Variants in ITPR3 observed in about 807,000 individuals in gnomAD.
The protein encoded by ITPR3 is inositol 1,4,5-trisphosphate receptor type 3.
In ITPR3, 173 loss-of-function variants were observed where a neutral mutation model predicts 293.2. That is an observed-to-expected ratio of 0.59 (90% CI 0.52 to 0.67). The LOEUF (loss-of-function observed/expected upper bound fraction) is 0.67, where lower values mean the gene tolerates loss of function less well. ITPR3 is among the 30% of genes least tolerant of loss of function. The pLI, the probability that ITPR3 is intolerant of heterozygous loss-of-function variation, is 0.00. For missense variants in ITPR3, 2,796 were observed against 3,592.1 expected (o/e 0.78, Z 5.66); for synonymous variants, 1,295 against 1,444.4 (o/e 0.90, Z 2.35).
In ITPR3 at chr6:33,683,146, C is replaced by A; in HGVS notation, c.4598-61C>A. ...CCTGGTGTGGCAGCCCTGAGCCTGGCCTCTGGCTGGCTGAACTGCCCCCGC... is the reference window on the plus strand; with the variant it reads ...CCTGGTGTGGCAGCCCTGAGCCTGGACTCTGGCTGGCTGAACTGCCCCCGC... On this transcript the variant is annotated intron_variant, in intron 34 of 57. Coordinates refer to ENST00000605930, the MANE Select transcript of ITPR3 (RefSeq NM_002224.4). This position sits in a 1 kb window ranked among gnomAD's most constrained non-coding sequence, Gnocchi z 4.5. The A allele has an allele frequency of 2.3e-6, 3 of 1,309,720 alleles. No homozygotes were observed. The allele number at this position is 1,309,720 out of a possible 1,614,324, so 81.1% of individuals were successfully genotyped here. A position where few individuals can be genotyped will look rare whatever the true frequency, so the allele number is the denominator to read the frequency against.
chr6:33,687,113 G>A lies in ITPR3; in HGVS notation c.6075+9G>A. The A allele has an allele frequency of 6.2e-7, 1 of 1,612,208 alleles. No individual in the cohort carries two copies. The highest frequency in any genetic ancestry group is 8.5e-7 in the Non-Finnish European group (1 of 1,178,720). ...TGCGGCCCCAGGAGCTGGTGAGGCTGGGCAGGTGGGCAGGCGGGCGGAACC... is the reference window on the plus strand; with the variant it reads ...TGCGGCCCCAGGAGCTGGTGAGGCTAGGCAGGTGGGCAGGCGGGCGGAACC... On this transcript the variant is annotated intron_variant, in intron 44 of 57. Transcript: ENST00000605930. This position sits in a 1 kb window ranked among gnomAD's most constrained non-coding sequence, Gnocchi z 5.3.
Position 33,664,804 on chromosome 6 carries a change from C to A in ITPR3, c.1149-66C>A. 7.1e-7 allele frequency: 1 copy of A among 1,407,744 alleles called. No individual in the cohort carries two copies. 87.2% of individuals were successfully genotyped at this position (1,407,744 alleles called of 1,614,324 possible). Reference sequence around the variant, plus strand: ...GCTGTGGCAGTGTTGGGGAGGTAGGCCGGCAGGCAGCATGACGTGCTCTGT... The same window carrying A: ...GCTGTGGCAGTGTTGGGGAGGTAGGACGGCAGGCAGCATGACGTGCTCTGT... On this transcript the variant is annotated intron_variant, in intron 11 of 57. Coordinates refer to ENST00000605930, the MANE Select transcript of ITPR3 (RefSeq NM_002224.4). The surrounding 1 kb of genome is among the most constrained non-coding windows in gnomAD (Gnocchi z 4.4).
intron 6 of ITPR3, 69 bp downstream of exon 6, chr6:33,659,188 G>T: frequency 1.4e-6 from 2 of 1,404,050 alleles, no homozygotes; most frequent in South Asian, 2.3e-5. Context: ...TAGACACCCC[G>T]CTCCCTGCCA....
chr6:33,666,623 A>C lies in ITPR3; in HGVS notation c.1552-506A>C, dbSNP rs987287615. 2.0e-5 allele frequency among the ~76,000 whole-genome samples: 3 copies of C among 151,666 alleles called. No homozygotes were observed. Among genetic ancestry groups the C allele is most frequent in the Non-Finnish European group, 4.4e-5 (3 of 67,934 alleles). On this transcript the variant is annotated intron_variant, in intron 14 of 57. Coordinates refer to ENST00000605930, the MANE Select transcript of ITPR3 (RefSeq NM_002224.4). The surrounding 1 kb of genome is among the most constrained non-coding windows in gnomAD (Gnocchi z 5.1). ...AAAGTTTGTTTTTTTTTTTTTAGAA[A>C]CGAGGATCCAATTAAGGTTTTTTCA...
Position 33,683,978 on chromosome 6 carries a change from C to A in ITPR3, c.4789-42C>A. The A allele has an allele frequency of 6.4e-7, 1 of 1,555,962 alleles. No individual in the cohort carries two copies. Among genetic ancestry groups the A allele is most frequent in the South Asian group, 1.2e-5 (1 of 84,448 alleles). ...GGAGGAATGGCAGTCACACCCGGGT[C>A]ATTTCTTGGGCCTGGCAATGACTCT... On this transcript the variant is annotated intron_variant, in intron 35 of 57. Transcript: ENST00000605930. The surrounding 1 kb of genome is among the most constrained non-coding windows in gnomAD (Gnocchi z 4.5).
chr6:33,683,352 C>T lies in ITPR3; in HGVS notation c.4743C>T (p.Pro1581=), dbSNP rs942636. 284,214 of 1,593,846 alleles carry T rather than the reference C, an allele frequency of 0.18. 26,778 individuals carry two copies. Among genetic ancestry groups the T allele is most frequent in the Admixed American group, 0.31 (17,652 of 56,974 alleles). The stretch of plus-strand genomic sequence containing the variant: ...CGCGGGCCTTCCCCCGCGTCACCCC[C>T]ACCGCCAACCAGTGGGACTACAAGA... The part of the protein sequence containing the change: ...ATTRAFPRVT[P]TANQWDYKNI... The change falls in exon 35 of 58, where the codon CCC becomes CCT. Residue 1581 remains proline, a synonymous_variant. Transcript: ENST00000605930. This position sits in a 1 kb window ranked among gnomAD's most constrained non-coding sequence, Gnocchi z 4.5.
intron 1 of ITPR3, among the ~76,000 whole-genome samples, chr6:33,622,647 C>T: frequency 6.6e-6 from 1 of 152,206 alleles, no homozygotes; most frequent in East Asian, 1.9e-4. Context: ...ACCCACCCTC[C>T]TCTGCTGATC....
At chr6:33,634,946 C>T (rs1413531896) in intron 1 of ITPR3, among the ~76,000 whole-genome samples, 2 of 152,088 alleles carry the variant, frequency 1.3e-5, no homozygotes, top group Non-Finnish European at 2.9e-5. Context: ...CGCTACAAGG[C>T]CCTGTGTACC....
chr6:33,628,317 A>G (rs554940221), intron 1 of ITPR3, among the ~76,000 whole-genome samples: 2 of 152,286 alleles, frequency 1.3e-5, no homozygotes, highest in Non-Finnish European at 2.9e-5. Context: ...GGAAGGAGGA[A>G]AGCAGAACGC....
rs1393367922 is a variant in ITPR3, at chr6:33,696,288, GC to G, written c.*509del. 1.2e-5 allele frequency: 2 copies of G among 164,462 alleles called. No homozygotes were observed. Among genetic ancestry groups the G allele is most frequent in the Non-Finnish European group, 2.7e-5 (2 of 74,106 alleles). The allele number at this position is 164,462 out of a possible 1,614,324, so 10.2% of individuals were successfully genotyped here. On this transcript the variant is annotated 3_prime_UTR_variant, in exon 58 of 58. Transcript: ENST00000605930. ...GCAGCTCCCTCCGTGCCTCAGATCT[GC>G]TGTAGCCAGTGCAGACCTCACTGTC...
chr6:33,657,412 C>T (rs1286490286), intron 3 of ITPR3, among the ~76,000 whole-genome samples: 1 of 152,190 alleles, frequency 6.6e-6, no homozygotes, highest in Non-Finnish European at 1.5e-5. Context: ...GGGAGGGCTG[C>T]CTGGAGGCAG....
In ITPR3 at chr6:33,621,775, C is replaced by G. The variant is rs1396800115; in HGVS notation, c.89+84C>G. 9.7e-7 allele frequency: 1 copy of G among 1,027,070 alleles called. No individual in the cohort carries two copies. The highest frequency in any genetic ancestry group is 1.5e-6 in the Non-Finnish European group (1 of 678,944). 63.6% of individuals were successfully genotyped at this position (1,027,070 alleles called of 1,614,324 possible). ...GCCAGCTGCGTGCGTCCAGCCGCCG[C>G]CCCCCGATAGAGGCCTGGACGTCCC... On this transcript the variant is annotated intron_variant, in intron 1 of 57. Transcript: ENST00000605930. The surrounding 1 kb of genome is among the most constrained non-coding windows in gnomAD (Gnocchi z 7.7).
chr6:33,687,999 G>C lies in ITPR3; in HGVS notation c.6265-58G>C. ...GCGAAGGCCTGGGAGGGTGGGGGCTGAGTGCCAGCCTGGATGTGGAGGCTG... is the reference window on the plus strand; with the variant it reads ...GCGAAGGCCTGGGAGGGTGGGGGCTCAGTGCCAGCCTGGATGTGGAGGCTG... On this transcript the variant is annotated intron_variant, in intron 46 of 57. Coordinates refer to ENST00000605930, the MANE Select transcript of ITPR3 (RefSeq NM_002224.4). This position sits in a 1 kb window ranked among gnomAD's most constrained non-coding sequence, Gnocchi z 5.3. 7.2e-7 allele frequency: 1 copy of C among 1,381,202 alleles called. No individual in the cohort carries two copies. The highest frequency in any genetic ancestry group is 1.0e-6 in the Non-Finnish European group (1 of 986,318). The allele number at this position is 1,381,202 out of a possible 1,614,324, so 85.6% of individuals were successfully genotyped here. A position where few individuals can be genotyped will look rare whatever the true frequency, so the allele number is the denominator to read the frequency against.
rs765081074 is a variant in ITPR3, at chr6:33,687,430, TG to T, written c.6178-47del. On this transcript the variant is annotated intron_variant, in intron 45 of 57. Transcript: ENST00000605930. The surrounding 1 kb of genome is among the most constrained non-coding windows in gnomAD (Gnocchi z 5.3). ...CGCCATTGTCGCCCCCCAGCCACCA[TG>T]TCCCCCAGCCACCACACCCTGGTGA... 6.5e-7 allele frequency: 1 copy of T among 1,548,152 alleles called. No individual in the cohort carries two copies. Among genetic ancestry groups the T allele is most frequent in the South Asian group, 1.2e-5 (1 of 86,514 alleles).
Position 33,658,340 on chromosome 6 carries a change from G to A in ITPR3, c.369+322G>A, listed in dbSNP as rs1291935253. Among the ~76,000 whole-genome samples the A allele has an allele frequency of 2.0e-5, 3 of 151,856 alleles. No individual in the cohort carries two copies. Among genetic ancestry groups the A allele is most frequent in the South Asian group, 2.1e-4 (1 of 4,816 alleles). On this transcript the variant is annotated intron_variant, in intron 4 of 57. Coordinates refer to ENST00000605930, the MANE Select transcript of ITPR3 (RefSeq NM_002224.4). This position sits in a 1 kb window ranked among gnomAD's most constrained non-coding sequence, Gnocchi z 6.1. ...GGCAAGTTACCTAACGTCCCCTGGC[G>A]CCTTGGTTTCCCCATCTGTGAAATC... is the stretch of plus-strand genomic sequence containing the variant.
chr6:33,693,837 G>A, intron 56 of ITPR3, 132 bp downstream of exon 56: 1 of 1,088,012 alleles, frequency 9.2e-7, no homozygotes, highest in Non-Finnish European at 1.3e-6. Flanking sequence ...CTATCTGACT[G>A]TTGGCCCTAG....
Position 33,667,421 on chromosome 6 carries a change from GC to G in ITPR3, c.1713+133del. The G allele has an allele frequency of 8.1e-7, 1 of 1,238,274 alleles. No homozygotes were observed. Among genetic ancestry groups the G allele is most frequent in the Non-Finnish European group, 1.1e-6 (1 of 912,242 alleles). The allele number at this position is 1,238,274 out of a possible 1,614,324, so 76.7% of individuals were successfully genotyped here. A position where few individuals can be genotyped will look rare whatever the true frequency, so the allele number is the denominator to read the frequency against. On this transcript the variant is annotated intron_variant, in intron 15 of 57. Coordinates refer to ENST00000605930, the MANE Select transcript of ITPR3 (RefSeq NM_002224.4). The surrounding 1 kb of genome is among the most constrained non-coding windows in gnomAD (Gnocchi z 4.4). ...GTCCAGTAGGGCACCAGACAGCAGGGCCGGGTTCATGGGAATGGGACCTGGC... is the reference window on the plus strand; with the variant it reads ...GTCCAGTAGGGCACCAGACAGCAGGGCGGGTTCATGGGAATGGGACCTGGC...
intron 18 of ITPR3, among the ~76,000 whole-genome samples, chr6:33,669,978 A>C (rs1259158170): frequency 4.2e-4 from 53 of 126,724 alleles, no homozygotes; most frequent in African/African-American, 7.0e-4. Flanking sequence ...CCACCTCCCC[A>C]CCTCCCCCTC....
rs1203260919 is a variant in ITPR3 at position 33,685,418 on chromosome 6, G to A, written c.5367G>A (p.Leu1789=). 6.2e-7 allele frequency: 1 copy of A among 1,614,154 alleles called. No homozygotes were observed. The highest frequency in any genetic ancestry group is 1.1e-5 in the South Asian group (1 of 91,086). ...DKKSERFFKV[L]HDRMKRAQQE... ...AGTCAGAGCGCTTCTTCAAGGTGCT[G>A]CACGACCGCATGAAGCGGGCCCAGC... is the stretch of plus-strand genomic sequence containing the variant. Residue 1789 remains leucine, a synonymous_variant, in exon 40 of 58, where the codon CTG becomes CTA. Transcript: ENST00000605930.
Sources: gnomAD v4.1 joint callset for allele counts (sites outside exome capture counted in the v4.1 genomes callset) on GRCh38, gnomAD v4.1.1 for gene constraint, Gnocchi (gnomAD v3.1) non-coding constraint, MANE v1.5 for transcripts, NCBI Gene and HGNC (gene_info 2026-07-23, HGNC 2026-07-21) for gene names.